Variants in HSBP1 observed in about 807,000 individuals in gnomAD.
HSBP1 encodes heat shock factor-binding protein 1.
A neutral mutation model predicts 9.6 loss-of-function variants in HSBP1; 5 were observed. The ratio of observed to expected loss-of-function variants is 0.52; its 90% CI spans 0.27 to 1.09. The LOEUF is 1.09. Among genes scored for constraint, HSBP1 ranks in the 50% least tolerant of loss-of-function variants. HSBP1 has a pLI of 0.11. For synonymous variants in HSBP1, 42 were observed against 33.3 expected (o/e 1.26, Z -0.90); for missense variants, 121 against 96.3 (o/e 1.26, Z -1.07).
At chr16:83,811,058 T>A (rs893069379) in intron 3 of HSBP1, among the ~76,000 whole-genome samples, 3 of 152,232 alleles carry the variant, frequency 2.0e-5, no homozygotes, top group Non-Finnish European at 4.4e-5. Context: ...GTCATCGTTA[T>A]TCTTATCCAG....
chr16:83,809,875 C>G (rs1287061048), intron 3 of HSBP1, among the ~76,000 whole-genome samples: 1 of 152,086 alleles, frequency 6.6e-6, no homozygotes, highest in African/African-American at 2.4e-5. Flanking sequence ...GCAAGCATCA[C>G]TGTATTGTTT....
rs1904696283 is a variant in HSBP1 at position 83,815,415 on chromosome 16, G to T, written c.*3997G>T. 6.6e-6 allele frequency: 1 copy of T among 152,060 alleles called. No individual in the cohort carries two copies. Among genetic ancestry groups the T allele is most frequent in the African/African-American group, 2.4e-5 (1 of 41,360 alleles). The allele number at this position is 152,060 out of a possible 1,614,324, so 9.4% of individuals were successfully genotyped here. A position where few individuals can be genotyped will look rare whatever the true frequency, so the allele number is the denominator to read the frequency against. The stretch of plus-strand genomic sequence containing the variant: ...TGCTCCCAGCTACTCAGGAGGCTGA[G>T]GTGGGAGGATCATTTGAGCCCAGGA... On this transcript the variant is annotated 3_prime_UTR_variant, in exon 4 of 4. Transcript: ENST00000433866.
In HSBP1 at chr16:83,813,063, A is replaced by C. The variant is rs546723123; in HGVS notation, c.*1645A>C. On this transcript the variant is annotated 3_prime_UTR_variant, in exon 4 of 4. Transcript: ENST00000433866. The stretch of plus-strand genomic sequence containing the variant: ...AATGCAGAAATCACATTAGAGTATC[A>C]ACTAAAACCTCTGGACGGATTAAGT... The C allele has an allele frequency of 3.3e-5, 5 of 152,386 alleles. No individual in the cohort carries two copies. In the South Asian group the frequency reaches 1.0e-3, roughly 32 times the overall value. The allele number at this position is 152,386 out of a possible 1,614,324, so 9.4% of individuals were successfully genotyped here.
At chr16:83,808,373 G>T (rs944078940) in intron 1 of HSBP1, 18 of 551,374 alleles carry the variant, frequency 3.3e-5, no homozygotes, top group African/African-American at 3.2e-4. Context: ...ACGCCCTCCG[G>T]GTCCCTCCCG....
rs8053753 is a variant in HSBP1, at chr16:83,809,187, G to T, written c.113-118G>T. 409,443 of 671,460 alleles carry T rather than the reference G, an allele frequency of 0.61. 127,362 individuals carry two copies. Among genetic ancestry groups the T allele is most frequent in the African/African-American group, 0.68 (37,580 of 55,448 alleles). The allele number at this position is 671,460 out of a possible 1,614,324, so 41.6% of individuals were successfully genotyped here. A position where few individuals can be genotyped will look rare whatever the true frequency, so the allele number is the denominator to read the frequency against. On this transcript the variant is annotated intron_variant, in intron 2 of 3. Coordinates refer to ENST00000433866, the MANE Select transcript of HSBP1 (RefSeq NM_001537.4). ...TTACCCACCAGCGTGTAACAGTGTC[G>T]AAAGAAAATTGGAAGACCAGTTTCC... is the stretch of plus-strand genomic sequence containing the variant.
At position 83,816,190 on chromosome 16, in the gene HSBP1, G is replaced by A. The variant is rs1904716652; in HGVS notation, c.*4772G>A. 1.3e-5 allele frequency: 2 copies of A among 152,322 alleles called. No homozygotes were observed. Among genetic ancestry groups the A allele is most frequent in the South Asian group, 4.1e-4 (2 of 4,820 alleles). The allele number at this position is 152,322 out of a possible 1,614,324, so 9.4% of individuals were successfully genotyped here. On this transcript the variant is annotated 3_prime_UTR_variant, in exon 4 of 4. Transcript: ENST00000433866. Reference sequence around the variant, plus strand: ...GAGGTGGGTGGATCACCTGAGGTCAGGAGTTCTAAACCAGCCTGGCCAACA... The same window carrying A: ...GAGGTGGGTGGATCACCTGAGGTCAAGAGTTCTAAACCAGCCTGGCCAACA...
chr16:83,808,378 C>T, intron 1 of HSBP1: 1 of 554,434 alleles, frequency 1.8e-6, no homozygotes, highest in African/African-American at 2.0e-5. Flanking sequence ...CTCCGGGTCC[C>T]TCCCGCCTAC....
At chr16:83,809,186 C>T (rs570115894) in intron 2 of HSBP1, 119 bp from the exon 3 acceptor site, 441 of 673,122 alleles carry the variant, frequency 6.6e-4, no homozygotes, top group Middle Eastern at 2.9e-3. Context: ...GTAACAGTGT[C>T]GAAAGAAAAT....
At chr16:83,808,352 A>C in intron 1 of HSBP1, 1 of 550,420 alleles carries the variant, frequency 1.8e-6, no homozygotes, top group Non-Finnish European at 3.2e-6. Context: ...AGCCCCATTC[A>C]TCTGTCGCGA....
chr16:83,809,460 T>TTA, intron 3 of HSBP1, 35 bp downstream of exon 3: 31 of 934,558 alleles, frequency 3.3e-5, no homozygotes, highest in Non-Finnish European at 4.6e-5. Flanking sequence ...TTCTTTTCTT[T>TTA]TCTTTTTTTT....
At chr16:83,810,179 T>C (rs1051111224) in intron 3 of HSBP1, among the ~76,000 whole-genome samples, 3 of 152,068 alleles carry the variant, frequency 2.0e-5, no homozygotes, top group African/African-American at 7.2e-5. Flanking sequence ...CTGGAGACTT[T>C]CTTGGTAACT....
At position 83,816,749 on chromosome 16, in the gene HSBP1, A is replaced by G. The variant is rs2008020255; in HGVS notation, c.*5331A>G. On this transcript the variant is annotated 3_prime_UTR_variant, in exon 4 of 4. Coordinates refer to ENST00000433866, the MANE Select transcript of HSBP1 (RefSeq NM_001537.4). The stretch of plus-strand genomic sequence containing the variant: ...AAGAGTGGCACAGCCCCAAGTGTCA[A>G]CAGTGCTGAGGTTGAGGAATCCCAG... 1.3e-5 allele frequency: 2 copies of G among 152,242 alleles called. No homozygotes were observed. The highest frequency in any genetic ancestry group is 4.1e-4 in the South Asian group (2 of 4,834). 9.4% of individuals were successfully genotyped at this position (152,242 alleles called of 1,614,324 possible).
At position 83,816,846 on chromosome 16, in the gene HSBP1, G is replaced by A. The variant is rs573138872; in HGVS notation, c.*5428G>A. 1 of 152,324 alleles carries A rather than the reference G, an allele frequency of 6.6e-6. No homozygotes were observed. Among genetic ancestry groups the A allele is most frequent in the African/African-American group, 2.4e-5 (1 of 41,574 alleles). The allele number at this position is 152,324 out of a possible 1,614,324, so 9.4% of individuals were successfully genotyped here. A position where few individuals can be genotyped will look rare whatever the true frequency, so the allele number is the denominator to read the frequency against. On this transcript the variant is annotated 3_prime_UTR_variant, in exon 4 of 4. Coordinates refer to ENST00000433866, the MANE Select transcript of HSBP1 (RefSeq NM_001537.4). The stretch of plus-strand genomic sequence containing the variant: ...TGATAGTTTCCGGACCCTCAGAGGT[G>A]GAGACATAAGAGAACAATACCAGGG...
intron 1 of HSBP1, chr16:83,808,420 A>G (rs574033758): frequency 6.9e-4 from 390 of 564,350 alleles, no homozygotes; most frequent in Middle Eastern, 1.7e-3. Context: ...TCAACTCCTC[A>G]CACACCCCCG....
chr16:83,812,917 G>C lies in HSBP1; in HGVS notation c.*1499G>C, dbSNP rs991419496. 1.3e-5 allele frequency: 2 copies of C among 152,236 alleles called. No homozygotes were observed. The highest frequency in any genetic ancestry group is 2.9e-5 in the Non-Finnish European group (2 of 68,040). The allele number at this position is 152,236 out of a possible 1,614,324, so 9.4% of individuals were successfully genotyped here. The stretch of plus-strand genomic sequence containing the variant: ...CTTAGGCAGGAGTCGACCTCCTCAA[G>C]TAATGGAACGATTTCAAAGGCAGGC... On this transcript the variant is annotated 3_prime_UTR_variant, in exon 4 of 4. Transcript: ENST00000433866.
In HSBP1 at chr16:83,818,531, C is replaced by A. The variant is rs1178825420; in HGVS notation, c.*7113C>A. On this transcript the variant is annotated 3_prime_UTR_variant, in exon 4 of 4. Transcript: ENST00000433866. ...ACTTGAAGAATCCCTTTTATCCTAA[C>A]GCTGACTAATAAACTGGTGAGAACT... 6.6e-6 allele frequency: 1 copy of A among 152,194 alleles called. No homozygotes were observed. Among genetic ancestry groups the A allele is most frequent in the African/African-American group, 2.4e-5 (1 of 41,444 alleles). 9.4% of individuals were successfully genotyped at this position (152,194 alleles called of 1,614,324 possible). A position where few individuals can be genotyped will look rare whatever the true frequency, so the allele number is the denominator to read the frequency against.
chr16:83,811,073 A>C (rs145442019), intron 3 of HSBP1, among the ~76,000 whole-genome samples: 2 of 152,292 alleles, frequency 1.3e-5, no homozygotes, highest in East Asian at 3.9e-4. Context: ...ATCCAGAGAT[A>C]ATTTGGAAAA....
At position 83,811,966 on chromosome 16, in the gene HSBP1, A is replaced by G. The variant is rs1342186406; in HGVS notation, c.*548A>G. 6.5e-6 allele frequency: 1 copy of G among 152,682 alleles called. No homozygotes were observed. The highest frequency in any genetic ancestry group is 2.4e-5 in the African/African-American group (1 of 41,466). 9.5% of individuals were successfully genotyped at this position (152,682 alleles called of 1,614,324 possible). ...AAATATCTGTCACTGCTCTGTTGCC[A>G]AAACTCAGAATAGAACTTAGACGTA... On this transcript the variant is annotated 3_prime_UTR_variant, in exon 4 of 4. Coordinates refer to ENST00000433866, the MANE Select transcript of HSBP1 (RefSeq NM_001537.4).
intron 3 of HSBP1, among the ~76,000 whole-genome samples, chr16:83,810,538 A>AAAAAAC (rs1904577290): frequency 6.7e-6 from 1 of 149,584 alleles, no homozygotes; most frequent in African/African-American, 2.5e-5. Flanking sequence ...AAAAAAAAAA[A>AAAAAAC]AAAAAAGGTA....
Sources: gnomAD v4.1 joint callset for allele counts (sites outside exome capture counted in the v4.1 genomes callset) on GRCh38, gnomAD v4.1.1 for gene constraint, MANE v1.5 for transcripts, NCBI Gene and HGNC (gene_info 2026-07-23, HGNC 2026-07-21) for gene names.